TMIE: variants seen among roughly 807,000 people sequenced by gnomAD.
The protein encoded by TMIE is transmembrane inner ear expressed protein.
Under a neutral mutation model 16.8 loss-of-function variants are expected in TMIE, and 14 were observed. That is an observed-to-expected ratio of 0.83 (90% CI 0.55 to 1.30). TMIE has a LOEUF of 1.30. Among genes scored for constraint, TMIE ranks in the 50% most tolerant of loss-of-function variants. The pLI is 0.00. For synonymous variants in TMIE, 75 were observed against 87.2 expected (o/e 0.86, Z 0.78); for missense variants, 204 against 205.9 (o/e 0.99, Z 0.06).
chr3:46,701,354 C>A, upstream of TMIE: 3 of 646,648 alleles, frequency 4.6e-6, no homozygotes, highest in Non-Finnish European at 7.2e-6. This position sits in a 1 kb window ranked among gnomAD's most constrained non-coding sequence, Gnocchi z 4.3. Flanking sequence ...AACCTGACAC[C>A]GAGGATGAAT....
chr3:46,701,397 C>T lies in TMIE; in HGVS notation c.-91C>T. 9.3e-7 allele frequency: 1 copy of T among 1,075,712 alleles called. No homozygotes were observed. The highest frequency in any genetic ancestry group is 1.3e-6 in the Non-Finnish European group (1 of 778,006). The allele number at this position is 1,075,712 out of a possible 1,614,324, so 66.6% of individuals were successfully genotyped here. A position where few individuals can be genotyped will look rare whatever the true frequency, so the allele number is the denominator to read the frequency against. ...GCTCGCTGACTACCCGTGGCCAAAG[C>T]CCGTGGCCACCGAGCGCCGGCTGGC... On this transcript the variant is annotated 5_prime_UTR_variant, in exon 1 of 4. Coordinates refer to ENST00000643606, the MANE Select transcript of TMIE (RefSeq NM_147196.3). The surrounding 1 kb of genome is among the most constrained non-coding windows in gnomAD (Gnocchi z 4.3).
upstream of TMIE, among the ~76,000 whole-genome samples, chr3:46,699,676 A>G (rs76542421): frequency 0.052 from 7,974 of 152,242 alleles, 735 homozygotes; most frequent in African/African-American, 0.18. Context: ...CGGGGGACAC[A>G]TATGATTGTA....
chr3:46,695,451 G>T (rs1351871230), intron 1 of TMIE, among the ~76,000 whole-genome samples: 1 of 152,216 alleles, frequency 6.6e-6, no homozygotes, highest in East Asian at 1.9e-4. Context: ...GAGAGGAGGG[G>T]TATGGTGGGT....
At position 46,705,650 on chromosome 3, in the gene TMIE, G is replaced by C. The variant is rs879288205; in HGVS notation, c.94-140G>C. The stretch of plus-strand genomic sequence containing the variant: ...GGAACTTTCCAAGGTCTAGGGTGTT[G>C]GTAGTGCATGCTTAAGAGAGTTGAT... On this transcript the variant is annotated intron_variant, in intron 1 of 3. Coordinates refer to ENST00000643606, the MANE Select transcript of TMIE (RefSeq NM_147196.3). The C allele has an allele frequency of 9.9e-5, 73 of 735,176 alleles. No individual in the cohort carries two copies. The Admixed American group carries it at 1.4e-3, about 14-fold the overall frequency. The allele number at this position is 735,176 out of a possible 1,614,324, so 45.5% of individuals were successfully genotyped here.
chr3:46,697,371 G>A (rs1182241724), upstream of TMIE, among the ~76,000 whole-genome samples: 1 of 152,172 alleles, frequency 6.6e-6, no homozygotes, highest in Non-Finnish European at 1.5e-5. Context: ...CCTATACTCT[G>A]GGAGGAAGGA....
At chr3:46,704,026 C>T (rs1303069879) in intron 1 of TMIE, among the ~76,000 whole-genome samples, 1 of 152,172 alleles carries the variant, frequency 6.6e-6, no homozygotes, top group Non-Finnish European at 1.5e-5. Context: ...TCATATCCAT[C>T]TCTGGTCAGG....
At chr3:46,709,035 GT>G (rs1653019785) in intron 2 of TMIE, 90 bp from the exon 3 acceptor site, 2 of 1,545,894 alleles carry the variant, frequency 1.3e-6, no homozygotes, top group Non-Finnish European at 1.8e-6. Context: ...ACACATGTGG[GT>G]GGATGGGGGC....
chr3:46,709,451 A>G (rs1344903585), intron 3 of TMIE, 128 bp from the exon 4 acceptor site: 5 of 1,606,362 alleles, frequency 3.1e-6, no homozygotes, highest in Middle Eastern at 1.8e-4. Context: ...CGATGAGCCT[A>G]TTCTCCAGTA....
At chr3:46,698,972 C>T (rs1700438315), upstream of TMIE, among the ~76,000 whole-genome samples, 1 of 151,578 alleles carries the variant, frequency 6.6e-6, no homozygotes, top group Admixed American at 6.6e-5. Context: ...TGAGCCACCA[C>T]ACTCAGCCGA....
At chr3:46,694,040 C>T (rs1700334953), upstream of TMIE, among the ~76,000 whole-genome samples, 2 of 152,200 alleles carry the variant, frequency 1.3e-5, no homozygotes, top group Non-Finnish European at 2.9e-5. Context: ...CACCTCGCCC[C>T]GCCAGTCAGT....
chr3:46,705,994 C>T (rs781685359), intron 2 of TMIE, 87 bp downstream of exon 2: 72 of 1,416,158 alleles, frequency 5.1e-5, no homozygotes, highest in African/African-American at 9.8e-5. Flanking sequence ...GCAGCAATTC[C>T]GGGCAGTGCA....
Position 46,709,063 on chromosome 3 carries a change from G to A in TMIE, c.212-63G>A, listed in dbSNP as rs11130106. 0.53 allele frequency: 853,019 copies of A among 1,604,742 alleles called. 232,979 individuals are homozygous for A. Among genetic ancestry groups the A allele is most frequent in the Non-Finnish European group, 0.57 (668,328 of 1,174,352 alleles). On this transcript the variant is annotated intron_variant, in intron 2 of 3. Coordinates refer to ENST00000643606, the MANE Select transcript of TMIE (RefSeq NM_147196.3). ...GATGGGGGCGGGCCTGAAGGAAGGC[G>A]GATGCCATTCCTTGGGTCTCTGAAC...
upstream of TMIE, among the ~76,000 whole-genome samples, chr3:46,700,405 G>A (rs1043374839): frequency 6.6e-6 from 1 of 152,194 alleles, no homozygotes; most frequent in East Asian, 1.9e-4. Flanking sequence ...GGTCTCCCTG[G>A]TTCTCAGGGC....
intron 1 of TMIE, among the ~76,000 whole-genome samples, chr3:46,696,326 A>C (rs1007007388): frequency 6.6e-5 from 10 of 152,152 alleles, no homozygotes; most frequent in Non-Finnish European, 1.3e-4. Context: ...AGCCATTGAG[A>C]CTCATACCCA....
rs902660217 is a variant in TMIE, at chr3:46,706,057, CCA to C, written c.211+155_211+156del. On this transcript the variant is annotated intron_variant, in intron 2 of 3. Coordinates refer to ENST00000643606, the MANE Select transcript of TMIE (RefSeq NM_147196.3). Reference sequence around the variant, plus strand: ...GCGGTGGTTTCTGGCACCTCCTGATCCACACAAACTCCCCGTGGAGGGCTGAC... The same window carrying C: ...GCGGTGGTTTCTGGCACCTCCTGATCCACAAACTCCCCGTGGAGGGCTGAC... 34 of 832,852 alleles carry C rather than the reference CCA, an allele frequency of 4.1e-5. No homozygotes were observed. In the African/African-American group the frequency reaches 5.5e-4, roughly 13 times the overall value. The allele number at this position is 832,852 out of a possible 1,614,324, so 51.6% of individuals were successfully genotyped here. A position where few individuals can be genotyped will look rare whatever the true frequency, so the allele number is the denominator to read the frequency against.
upstream of TMIE, chr3:46,701,199 C>T: frequency 2.7e-6 from 1 of 370,292 alleles, no homozygotes; most frequent in Non-Finnish European, 4.9e-6. The surrounding 1 kb of genome is among the most constrained non-coding windows in gnomAD (Gnocchi z 4.3). Context: ...CTGGCCCCAG[C>T]CTGTCCTCCC....
chr3:46,704,477 A>G (rs1260980430), intron 1 of TMIE, among the ~76,000 whole-genome samples: 1 of 121,136 alleles, frequency 8.3e-6, no homozygotes, highest in Non-Finnish European at 1.7e-5. Flanking sequence ...GGGCAGGACC[A>G]TGTCCCTAGA....
chr3:46,703,935 C>T (rs994470586), intron 1 of TMIE, among the ~76,000 whole-genome samples: 1 of 152,182 alleles, frequency 6.6e-6, no homozygotes, highest in African/African-American at 2.4e-5. Flanking sequence ...ACATCTCGCT[C>T]ATATGCCCCA....
At chr3:46,708,634 C>A (rs1700581054) in intron 2 of TMIE, among the ~76,000 whole-genome samples, 1 of 152,220 alleles carries the variant, frequency 6.6e-6, no homozygotes, top group Admixed American at 6.5e-5. Flanking sequence ...CAGGGAGAGC[C>A]CAGGGATGTC....
Sources: gnomAD v4.1 joint callset for allele counts (sites outside exome capture counted in the v4.1 genomes callset) on GRCh38, gnomAD v4.1.1 for gene constraint, Gnocchi (gnomAD v3.1) non-coding constraint, MANE v1.5 for transcripts, NCBI Gene and HGNC (gene_info 2026-07-23, HGNC 2026-07-21) for gene names.